Variants in SEC24C observed in about 807,000 individuals in gnomAD.
SEC24C encodes the protein SEC24 homolog C, COPII component.
SEC24C carries 22 observed loss-of-function variants against 117.0 expected under a neutral mutation model. The observed-to-expected ratio is 0.19, with a 90% CI of 0.13 to 0.27. The LOEUF (loss-of-function observed/expected upper bound fraction) is 0.27, where lower values mean the gene tolerates loss of function less well. Among genes scored for constraint, SEC24C ranks in the 10% least tolerant of loss-of-function variants. The pLI is 1.00. For missense variants in SEC24C, 1,155 were observed against 1,375.1 expected (o/e 0.84, Z 2.53); for synonymous variants, 506 against 529.4 (o/e 0.96, Z 0.61).
chr10:73,770,381 C>T lies in SEC24C; in HGVS notation c.2964C>T (p.Asn988=). The T allele has an allele frequency of 6.2e-7, 1 of 1,613,882 alleles. No individual in the cohort carries two copies. The highest frequency in any genetic ancestry group is 8.5e-7 in the Non-Finnish European group (1 of 1,179,942). Residue 988 remains asparagine (N), a synonymous_variant, in exon 21 of 23, where the codon AAC becomes AAT. Coordinates refer to ENST00000345254, the MANE Select transcript of SEC24C (RefSeq NM_198597.3). ...TATATTTACTGGAGAATGGGCTCAACCTCTTCCTCTGGGTGGGAGCAAGCG... is the reference window on the plus strand; with the variant it reads ...TATATTTACTGGAGAATGGGCTCAATCTCTTCCTCTGGGTGGGAGCAAGCG... ...GDIYLLENGL[N]LFLWVGASVQ... is the part of the protein sequence containing the mutation.
rs145369251 is a variant in SEC24C, at chr10:73,767,161, C to G, written c.2001C>G (p.Asp667Glu). 3 of 1,608,984 alleles carry G rather than the reference C, an allele frequency of 1.9e-6. No individual in the cohort carries two copies. The African/African-American group carries it at 4.0e-5, about 22-fold the overall frequency. The part of the protein sequence containing the change: ...NRDDRKLINT[D>E]KEKTLFQPQT... ...ATGACAGGAAGCTGATCAATACAGA[C>G]AAGGAGAAGGTGTGGGACTGGAAAA... The change falls in exon 14 of 23, where the codon GAC (aspartate) becomes GAG (glutamate). Residue 667 changes from aspartate to glutamate, a missense_variant. Asp to Glu is a conservative substitution (Grantham distance 45). This residue lies in a region of SEC24C where 759 missense variants were observed against 992.3 expected (regional missense o/e 0.76). Transcript: ENST00000345254.
rs1355642091 is a variant in SEC24C at position 73,759,938 on chromosome 10, T to C, written c.482-80T>C. ...ATGGGACAGTCATATTTGCCCCTCT[T>C]GTGTGGAAAGGGAAGTGATATACCG... On this transcript the variant is annotated intron_variant, in intron 4 of 22. Transcript: ENST00000345254. 4 of 1,505,448 alleles carry C rather than the reference T, an allele frequency of 2.7e-6. No individual in the cohort carries two copies. The Admixed American group carries it at 6.7e-5, about 25-fold the overall frequency. The allele number at this position is 1,505,448 out of a possible 1,614,324, so 93.3% of individuals were successfully genotyped here.
Position 73,767,094 on chromosome 10 carries a change from C to T in SEC24C, c.1934C>T (p.Ser645Phe). ...CAGKLFLFHT[S>F]LPIAEAPGKL... ...GGGAAGCTCTTTCTATTCCATACAT[C>T]CCTGCCCATTGCAGAGGCCCCAGGG... is the stretch of plus-strand genomic sequence containing the variant. The change falls in exon 14 of 23, where the codon TCC (serine) becomes TTC (phenylalanine). Residue 645 changes from serine (S) to phenylalanine (F), a missense_variant. Physicochemically the swap from Ser to Phe is radical, Grantham distance 155 (BLOSUM62 -2). Around this residue, in one of 2 missense-constraint regions of SEC24C, gnomAD observed 759 missense variants for 992.3 expected, o/e 0.76. Coordinates refer to ENST00000345254, the MANE Select transcript of SEC24C (RefSeq NM_198597.3). 6.2e-7 allele frequency: 1 copy of T among 1,614,044 alleles called. No homozygotes were observed. The highest frequency in any genetic ancestry group is 1.1e-5 in the South Asian group (1 of 91,068).
At chr10:73,759,571 C>G (rs1421082506) in intron 3 of SEC24C, 51 bp from the exon 4 acceptor site, 5 of 1,416,996 alleles carry the variant, frequency 3.5e-6, no homozygotes, top group Non-Finnish European at 3.7e-6. Flanking sequence ...CTGTAGACTT[C>G]AAAGGGTGTC....
At chr10:73,759,029 C>T (rs900771152) in intron 3 of SEC24C, among the ~76,000 whole-genome samples, 4 of 152,140 alleles carry the variant, frequency 2.6e-5, no homozygotes, top group African/African-American at 9.7e-5. Context: ...GACTCCGTAT[C>T]TATAAAAAAT....
intron 3 of SEC24C, among the ~76,000 whole-genome samples, chr10:73,753,742 G>A (rs1405710086): frequency 6.6e-6 from 1 of 152,118 alleles, no homozygotes; most frequent in Non-Finnish European, 1.5e-5. Flanking sequence ...AAAAACACTT[G>A]GTGTGTCTTA....
chr10:73,769,335 C>T lies in SEC24C; in HGVS notation c.2425-12C>T. Reference sequence around the variant, plus strand: ...GGAGGGGTGTGAGTTCCCCCTTTCTCCTTTCCCCTAGTGTGCCCTGCTTTA... The same window carrying T: ...GGAGGGGTGTGAGTTCCCCCTTTCTTCTTTCCCCTAGTGTGCCCTGCTTTA... On this transcript the variant is annotated splice_polypyrimidine_tract_variant and intron_variant, in intron 17 of 22. Transcript: ENST00000345254. The surrounding 1 kb of genome is among the most constrained non-coding windows in gnomAD (Gnocchi z 4.5). 1 of 1,613,428 alleles carries T rather than the reference C, an allele frequency of 6.2e-7. No homozygotes were observed. Among genetic ancestry groups the T allele is most frequent in the Non-Finnish European group, 8.5e-7 (1 of 1,179,696 alleles).
chr10:73,770,103 C>T (rs1468360325), intron 20 of SEC24C, 88 bp downstream of exon 20: 1 of 1,336,552 alleles, frequency 7.5e-7, no homozygotes, highest in East Asian at 2.3e-5. Flanking sequence ...CAGTCAGACA[C>T]TAGTGGAATT....
intron 14 of SEC24C, among the ~76,000 whole-genome samples, chr10:73,767,612 G>A (rs983624084): frequency 1.3e-5 from 2 of 152,112 alleles, no homozygotes; most frequent in African/African-American, 4.8e-5. Flanking sequence ...AGGTTGCAGT[G>A]AGCTGAGATC....
Position 73,751,262 on chromosome 10 carries a change from T to C in SEC24C, c.308+19T>C, listed in dbSNP as rs1200174027. 4 of 1,606,350 alleles carry C rather than the reference T, an allele frequency of 2.5e-6. No individual in the cohort carries two copies. The highest frequency in any genetic ancestry group is 3.4e-6 in the Non-Finnish European group (4 of 1,174,532). ...TGCAAAGGTAGGTACTTGGTCAATC[T>C]AAAATTGGTCTGATGAGGCTGAGTG... is the stretch of plus-strand genomic sequence containing the variant. On this transcript the variant is annotated intron_variant, in intron 3 of 22. Coordinates refer to ENST00000345254, the MANE Select transcript of SEC24C (RefSeq NM_198597.3).
At chr10:73,758,337 A>G (rs1158916983) in intron 3 of SEC24C, among the ~76,000 whole-genome samples, 1 of 152,168 alleles carries the variant, frequency 6.6e-6, no homozygotes, top group Non-Finnish European at 1.5e-5. Flanking sequence ...GCTGTGAGGT[A>G]ATTTGGTTGG....
intron 3 of SEC24C, among the ~76,000 whole-genome samples, chr10:73,758,500 C>T (rs973026131): frequency 1.3e-5 from 2 of 152,156 alleles, no homozygotes; most frequent in African/African-American, 4.8e-5. Flanking sequence ...AGTTTTAGAA[C>T]ATTTTCATCA....
intron 3 of SEC24C, among the ~76,000 whole-genome samples, chr10:73,755,324 G>C (rs978544777): frequency 3.3e-5 from 5 of 152,114 alleles, no homozygotes; most frequent in African/African-American, 1.2e-4. Flanking sequence ...TGGCAAGGTT[G>C]GCGTCATTGG....
chr10:73,769,898 T>C lies in SEC24C; in HGVS notation c.2745T>C (p.Asp915=), dbSNP rs768442194. ...ACCTGAACTGTGTGTTGAAGAGTGA[T>C]GTCCTGCAGCCTGGAGCTGAAGTCA... ...PVYLNCVLKS[D]VLQPGAEVTT... is the part of the protein sequence containing the mutation. Residue 915 remains aspartate (D), a synonymous_variant, in exon 20 of 23, where the codon GAT becomes GAC. Transcript: ENST00000345254. This position sits in a 1 kb window ranked among gnomAD's most constrained non-coding sequence, Gnocchi z 4.5. The C allele has an allele frequency of 1.9e-6, 3 of 1,614,086 alleles. No individual in the cohort carries two copies. The East Asian group carries it at 6.7e-5, about 36-fold the overall frequency.
At chr10:73,761,573 C>T (rs2082796814) in intron 6 of SEC24C, among the ~76,000 whole-genome samples, 1 of 152,160 alleles carries the variant, frequency 6.6e-6, no homozygotes, top group African/African-American at 2.4e-5. Flanking sequence ...CCATGCTTAG[C>T]CATTGTCATA....
At position 73,769,689 on chromosome 10, in the gene SEC24C, G is replaced by T; in HGVS notation, c.2638G>T (p.Ala880Ser). 1 of 1,614,214 alleles carries T rather than the reference G, an allele frequency of 6.2e-7. No individual in the cohort carries two copies. The highest frequency in any genetic ancestry group is 8.5e-7 in the Non-Finnish European group (1 of 1,180,040). The change falls in exon 19 of 23, where the codon GCC becomes TCC. Residue 880 changes from alanine (A) to serine (S), a missense_variant. By Grantham distance (99) the Ala-to-Ser change is moderately conservative (BLOSUM62 1). This residue lies in a region of SEC24C where 759 missense variants were observed against 992.3 expected (regional missense o/e 0.76). Coordinates refer to ENST00000345254, the MANE Select transcript of SEC24C (RefSeq NM_198597.3). The surrounding 1 kb of genome is among the most constrained non-coding windows in gnomAD (Gnocchi z 4.5). The part of the protein sequence containing the change: ...TLITQCAQIL[A>S]CYRKNCASPS... ...CATCACCCAGTGTGCCCAGATCCTGGCCTGTTACAGAAAGAACTGTGCTAG... is the reference window on the plus strand; with the variant it reads ...CATCACCCAGTGTGCCCAGATCCTGTCCTGTTACAGAAAGAACTGTGCTAG...
chr10:73,746,063 G>A (rs746963529), intron 1 of SEC24C, among the ~76,000 whole-genome samples: 1 of 150,848 alleles, frequency 6.6e-6, no homozygotes, highest in Non-Finnish European at 1.5e-5. Flanking sequence ...GGGAGGCTGA[G>A]GCAGGAGAAT....
chr10:73,766,238 C>G (rs774280837), intron 11 of SEC24C, 28 bp downstream of exon 11: 5 of 1,603,250 alleles, frequency 3.1e-6, no homozygotes, highest in Non-Finnish European at 4.3e-6. Flanking sequence ...GAGGTGTTTC[C>G]TGAGGTTAAT....
chr10:73,770,067 A>G, intron 20 of SEC24C, 52 bp downstream of exon 20: 1 of 1,540,070 alleles, frequency 6.5e-7, no homozygotes, highest in Non-Finnish European at 9.0e-7. Context: ...AGGGCCTCTT[A>G]GGAGGAGGAA....
Sources: gnomAD v4.1 joint callset for allele counts (sites outside exome capture counted in the v4.1 genomes callset) on GRCh38, gnomAD v4.1.1 for gene constraint, gnomAD v4.1.1 regional missense constraint, Gnocchi (gnomAD v3.1) non-coding constraint, MANE v1.5 for transcripts, NCBI Gene and HGNC (gene_info 2026-07-23, HGNC 2026-07-21) for gene names.